The following CHM variants were observed in gnomAD, a reference collection of about 807,000 sequenced individuals.
The protein encoded by CHM is CHM Rab escort protein, also known as rab proteins geranylgeranyltransferase component A 1.
A neutral mutation model predicts 49.0 loss-of-function variants in CHM; 10 were observed. That is an observed-to-expected ratio of 0.20 (90% CI 0.13 to 0.35). The LOEUF (loss-of-function observed/expected upper bound fraction) is 0.35. CHM is among the 10% of genes least tolerant of loss of function. CHM has a pLI of 1.00. For synonymous variants in CHM, 184 were observed against 167.5 expected, an observed-to-expected ratio of 1.10 and a Z score of -0.76; for missense variants, 455 against 478.4, an observed-to-expected ratio of 0.95 and a Z score of 0.46.
At position 85,981,068 on chromosome X, in the gene CHM, G is replaced by A. The variant is rs73630488; in HGVS notation, c.189+669C>T. The stretch of plus-strand genomic sequence containing the variant: ...GACTCTAAGAGCAACCAGTAAATGT[G>A]AGATTTTATAAGGACTAGGATATTT... On this transcript the variant is annotated intron_variant, in intron 3 of 14. Coordinates refer to ENST00000357749, the MANE Select transcript of CHM (RefSeq NM_000390.4). Among the ~76,000 whole-genome samples, 943 of 107,399 alleles carry A rather than the reference G, an allele frequency of 8.8e-3. 11 individuals carry two copies. The highest frequency in any genetic ancestry group is 0.03 in the African/African-American group (867 of 29,334). The allele number at this position is 107,399 out of a possible 115,157, so 93.3% of individuals were successfully genotyped here. A position where few individuals can be genotyped will look rare whatever the true frequency, so the allele number is the denominator to read the frequency against.
At chrX:85,971,697 T>C (rs189515926) in intron 4 of CHM, 271 of 183,218 alleles carry the variant, frequency 1.5e-3, no homozygotes, top group African/African-American at 8.0e-3. Context: ...AGCCTGCTTT[T>C]ATTGTCTTAT....
intron 14 of CHM, among the ~76,000 whole-genome samples, chrX:85,872,021 G>T (rs1212371919): frequency 9.0e-6 from 1 of 111,587 alleles, no homozygotes; most frequent in African/African-American, 3.3e-5. Context: ...TTTTTGTTTG[G>T]TGTCACTGGC....
chrX:85,966,115 C>T (rs1269363975), intron 4 of CHM, among the ~76,000 whole-genome samples: 2 of 110,938 alleles, frequency 1.8e-5, no homozygotes, highest in African/African-American at 6.6e-5. Flanking sequence ...TGTGGTAGGC[C>T]GAGGTGGGTG....
intron 8 of CHM, among the ~76,000 whole-genome samples, chrX:85,952,222 G>T (rs780473617): frequency 1.8e-5 from 2 of 111,484 alleles, no homozygotes; most frequent in South Asian, 3.8e-4. Flanking sequence ...GACCTAGGGA[G>T]AAACAGCCTG....
At chrX:86,032,992 C>G (rs1451373883) in intron 1 of CHM, among the ~76,000 whole-genome samples, 1 of 111,509 alleles carries the variant, frequency 9.0e-6, no homozygotes, top group Non-Finnish European at 1.9e-5. Flanking sequence ...GTTTCATTAT[C>G]AAATGAAGGA....
intron 2 of CHM, among the ~76,000 whole-genome samples, chrX:85,989,358 T>G (rs1221228499): frequency 3.6e-5 from 4 of 111,998 alleles, no homozygotes; most frequent in Non-Finnish European, 7.5e-5. Flanking sequence ...TCAAGATGGA[T>G]TAAAGACTTA....
intron 4 of CHM, among the ~76,000 whole-genome samples, chrX:85,978,406 C>G (rs920635339): frequency 9.0e-6 from 1 of 111,419 alleles, no homozygotes; most frequent in African/African-American, 3.3e-5. Context: ...GTGGCCCTGC[C>G]GTTTACCAAG....
Position 86,042,814 on chromosome X carries a change from C to T in CHM, c.49+4670G>A, listed in dbSNP as rs897859485. Among the ~76,000 whole-genome samples the T allele has an allele frequency of 2.8e-5, 3 of 108,593 alleles. 1 individual carries two copies. In the Admixed American group the frequency reaches 2.9e-4, roughly 11 times the overall value. 94.3% of individuals were successfully genotyped at this position (108,593 alleles called of 115,157 possible). ...CTCCAACTAGGGTGACAGAGCAAGA[C>T]CCTGTCTCAAAAAAAAAATTAAAAA... On this transcript the variant is annotated intron_variant, in intron 1 of 14. Transcript: ENST00000357749.
At chrX:85,896,053 C>A (rs1276640113) in intron 11 of CHM, among the ~76,000 whole-genome samples, 1 of 106,687 alleles carries the variant, frequency 9.4e-6, no homozygotes, top group Non-Finnish European at 1.9e-5. Context: ...TTCCCTCAAC[C>A]CTCTACTATC....
At chrX:85,901,288 G>A (rs977872259) in intron 9 of CHM, 100 bp from the exon 10 acceptor site, 10 of 529,404 alleles carry the variant, frequency 1.9e-5, no homozygotes, top group African/African-American at 7.1e-5. Flanking sequence ...TGAATTTCAC[G>A]TGAAGACAAG....
chrX:85,886,961 A>G (rs1220057016), intron 12 of CHM, among the ~76,000 whole-genome samples: 3 of 105,779 alleles, frequency 2.8e-5, no homozygotes, highest in Non-Finnish European at 5.8e-5. Context: ...TGTTATTTTA[A>G]AAAGAATGCA....
chrX:86,047,122 T>C, intron 1 of CHM: 2 of 290,609 alleles, frequency 6.9e-6, no homozygotes, highest in South Asian at 4.7e-5. Context: ...TTGAAATCAA[T>C]AAGGAAGGAA....
intron 8 of CHM, among the ~76,000 whole-genome samples, chrX:85,917,591 A>T (rs1927531768): frequency 9.0e-6 from 1 of 111,684 alleles, no homozygotes; most frequent in African/African-American, 3.3e-5. Context: ...TGACAGACAT[A>T]TATTTCAGAA....
intron 9 of CHM, among the ~76,000 whole-genome samples, chrX:85,904,480 G>A (rs1455631782): frequency 1.8e-5 from 2 of 111,522 alleles, no homozygotes; most frequent in Non-Finnish European, 3.8e-5. Context: ...CCCAGAAGAG[G>A]AAAAATAACA....
intron 11 of CHM, among the ~76,000 whole-genome samples, chrX:85,897,374 C>T (rs1220506421): frequency 9.9e-6 from 1 of 101,244 alleles, no homozygotes; most frequent in Non-Finnish European, 2.0e-5. Flanking sequence ...ATGTTGCCAG[C>T]AGCAGTGGGG....
intron 8 of CHM, among the ~76,000 whole-genome samples, chrX:85,914,565 C>T (rs1184504114): frequency 9.0e-6 from 1 of 110,819 alleles, no homozygotes; most frequent in African/African-American, 3.3e-5. Flanking sequence ...CCCCAAGCCA[C>T]GCTGCCAGGG....
intron 1 of CHM, among the ~76,000 whole-genome samples, chrX:86,043,618 T>C (rs1934556223): frequency 9.0e-6 from 1 of 110,871 alleles, no homozygotes; most frequent in Non-Finnish European, 1.9e-5. Flanking sequence ...GTGTCACCCA[T>C]TTCAGCTACT....
chrX:85,936,852 T>A (rs1928807749), intron 8 of CHM, among the ~76,000 whole-genome samples: 1 of 112,275 alleles, frequency 8.9e-6, no homozygotes, highest in Non-Finnish European at 1.9e-5. Flanking sequence ...TTTTATTGAA[T>A]GGCAATCTTA....
chrX:86,003,791 G>A (rs1044321195), intron 2 of CHM, among the ~76,000 whole-genome samples: 15 of 112,122 alleles, frequency 1.3e-4, no homozygotes, highest in Admixed American at 2.8e-4. Context: ...TTTGACTGCT[G>A]TATCTGAAAG....
Sources: gnomAD v4.1 joint callset for allele counts (sites outside exome capture counted in the v4.1 genomes callset) on GRCh38, gnomAD v4.1.1 for gene constraint, MANE v1.5 for transcripts, NCBI Gene and HGNC (gene_info 2026-07-23, HGNC 2026-07-21) for gene names.